Variants in TLE1 observed in about 807,000 individuals in gnomAD.
TLE1 encodes transducin-like enhancer protein 1.
A neutral mutation model predicts 89.8 loss-of-function variants in TLE1; 21 were observed. The observed-to-expected ratio is 0.23, with a 90% confidence interval of 0.17 to 0.34. The LOEUF (loss-of-function observed/expected upper bound fraction) is 0.34, where lower values mean the gene tolerates loss of function less well. Among genes scored for constraint, TLE1 ranks in the 10% least tolerant of loss-of-function variants. TLE1 has a pLI of 1.00. For missense variants in TLE1, 795 were observed against 1,031.2 expected (o/e 0.77, Z 3.14); for synonymous variants, 447 against 407.6 (o/e 1.10, Z -1.16).
At chr9:81,654,148 T>C in intron 4 of TLE1, 112 bp from the exon 5 acceptor site, 1 of 938,086 alleles carries the variant, frequency 1.1e-6, no homozygotes, top group East Asian at 2.6e-5. Flanking sequence ...TGGAAATGTG[T>C]ATAAAATGGT....
chr9:81,608,895 C>T (rs1160626846), intron 14 of TLE1, among the ~76,000 whole-genome samples: 1 of 151,548 alleles, frequency 6.6e-6, no homozygotes, highest in Non-Finnish European at 1.5e-5. Context: ...CGAGATCGCA[C>T]CACTGCACTC....
intron 18 of TLE1, among the ~76,000 whole-genome samples, chr9:81,584,895 C>T (rs533592859): frequency 1.1e-4 from 17 of 152,182 alleles, no homozygotes; most frequent in Non-Finnish European, 1.8e-4. Context: ...AAACATCCAA[C>T]TTAAGTAAAA....
intron 13 of TLE1, among the ~76,000 whole-genome samples, chr9:81,610,844 T>G (rs954326659): frequency 6.7e-6 from 1 of 148,842 alleles, no homozygotes; most frequent in Non-Finnish European, 1.5e-5. Context: ...ATGGGTCTAA[T>G]TTAATGCTTA....
At chr9:81,676,971 T>G (rs1302369549) in intron 4 of TLE1, among the ~76,000 whole-genome samples, 1 of 152,054 alleles carries the variant, frequency 6.6e-6, no homozygotes, top group Non-Finnish European at 1.5e-5. Flanking sequence ...GCATGGTGGC[T>G]CACGCCTATA....
At chr9:81,671,855 A>G (rs1430998613) in intron 4 of TLE1, among the ~76,000 whole-genome samples, 1 of 152,178 alleles carries the variant, frequency 6.6e-6, no homozygotes, top group Non-Finnish European at 1.5e-5. Context: ...GGTCAGCTAA[A>G]AAGTACAGAA....
intron 4 of TLE1, among the ~76,000 whole-genome samples, chr9:81,660,604 G>C (rs867971242): frequency 4.6e-5 from 7 of 150,690 alleles, no homozygotes; most frequent in Admixed American, 1.3e-4. Context: ...TTTTAGTAGA[G>C]ACGGGGTTTC....
chr9:81,666,524 C>G (rs1564055885), intron 4 of TLE1, among the ~76,000 whole-genome samples: 1 of 151,774 alleles, frequency 6.6e-6, no homozygotes, highest in Non-Finnish European at 1.5e-5. Context: ...CACCTGTAAT[C>G]CCAGCATTCT....
At chr9:81,588,797 C>A (rs1829014731) in intron 16 of TLE1, among the ~76,000 whole-genome samples, 1 of 152,090 alleles carries the variant, frequency 6.6e-6, no homozygotes, top group South Asian at 2.1e-4. Context: ...CAGGCGGGAT[C>A]CAGTAAAGAA....
At chr9:81,611,008 C>A (rs1432794594) in intron 13 of TLE1, among the ~76,000 whole-genome samples, 2 of 152,108 alleles carry the variant, frequency 1.3e-5, no homozygotes, top group African/African-American at 4.8e-5. Context: ...AATGTCACCG[C>A]AAACTAGTGG....
chr9:81,611,629 G>GGGCGTCTTTGTCTCCGA, intron 13 of TLE1, 140 bp downstream of exon 13: 1 of 768,308 alleles, frequency 1.3e-6, no homozygotes, highest in Non-Finnish European at 1.8e-6. Flanking sequence ...CTGGGAGACT[G>GGGCGTCTTTGTCTCCGA]GGCGTCTTTG....
In TLE1 at chr9:81,615,974, T is replaced by C. The variant is rs773045135; in HGVS notation, c.918+8A>G. 1.2e-6 allele frequency: 2 copies of C among 1,613,340 alleles called. No homozygotes were observed. The highest frequency in any genetic ancestry group is 2.2e-5 in the South Asian group (2 of 90,984). The stretch of plus-strand genomic sequence containing the variant: ...CCAAACAGGCAAGTGTCAGTTTTCT[T>C]TACCTACCAAGCTCATTTCTTTGGA... On this transcript the variant is annotated splice_region_variant and intron_variant, in intron 11 of 19. Transcript: ENST00000376499.
chr9:81,643,237 T>G (rs986815536), intron 6 of TLE1, among the ~76,000 whole-genome samples: 30 of 141,460 alleles, frequency 2.1e-4, no homozygotes, highest in Non-Finnish European at 3.1e-4. Context: ...TTGTTTTTTG[T>G]TTTTTGGTTT....
intron 6 of TLE1, among the ~76,000 whole-genome samples, chr9:81,645,522 CCT>C (rs1828748129): frequency 6.6e-6 from 1 of 152,026 alleles, no homozygotes; most frequent in Admixed American, 6.6e-5. Context: ...GGGTGGATCC[CCT>C]GAGGTCAGGA....
At chr9:81,628,176 GGGA>G (rs1461161629) in intron 8 of TLE1, among the ~76,000 whole-genome samples, 1 of 152,178 alleles carries the variant, frequency 6.6e-6, no homozygotes, top group African/African-American at 2.4e-5. Context: ...AAATGGCGGT[GGGA>G]GGAGGGCATT....
At chr9:81,584,681 T>C (rs1828090862) in intron 18 of TLE1, among the ~76,000 whole-genome samples, 157 bp from the exon 19 acceptor site, 1 of 152,174 alleles carries the variant, frequency 6.6e-6, no homozygotes, top group Non-Finnish European at 1.5e-5. Context: ...TAATCTGGGC[T>C]CCTCAGTGAT....
intron 14 of TLE1, among the ~76,000 whole-genome samples, chr9:81,594,129 TAGGG>T (rs1304351679): frequency 6.6e-6 from 1 of 152,066 alleles, no homozygotes; most frequent in African/African-American, 2.4e-5. Flanking sequence ...AAAAAATAAA[TAGGG>T]AGAGAGCATA....
intron 4 of TLE1, among the ~76,000 whole-genome samples, chr9:81,683,953 G>T (rs561356946): frequency 1.3e-5 from 2 of 151,968 alleles, no homozygotes; most frequent in African/African-American, 2.4e-5. Flanking sequence ...GAACCCAGAA[G>T]AATTACACAC....
chr9:81,682,111 G>T (rs578172487), intron 4 of TLE1, among the ~76,000 whole-genome samples: 2 of 151,942 alleles, frequency 1.3e-5, no homozygotes, highest in Admixed American at 6.6e-5. Flanking sequence ...AAAGTTAGCC[G>T]GGCATGGTGG....
chr9:81,625,759 A>G (rs1034579094), intron 8 of TLE1, among the ~76,000 whole-genome samples: 1 of 152,090 alleles, frequency 6.6e-6, no homozygotes, highest in African/African-American at 2.4e-5. Context: ...ACACCTATTC[A>G]AGACCAAGGT....
Sources: gnomAD v4.1 joint callset for allele counts (sites outside exome capture counted in the v4.1 genomes callset) on GRCh38, gnomAD v4.1.1 for gene constraint, MANE v1.5 for transcripts, NCBI Gene and HGNC (gene_info 2026-07-23, HGNC 2026-07-21) for gene names.